Variants in PAFAH2 observed in about 807,000 individuals in gnomAD.
PAFAH2 encodes the protein platelet activating factor acetylhydrolase 2, also known as platelet-activating factor acetylhydrolase 2, cytoplasmic.
A neutral mutation model predicts 49.0 loss-of-function variants in PAFAH2; 42 were observed. The observed-to-expected ratio is 0.86, with a 90% CI of 0.67 to 1.11. The LOEUF (loss-of-function observed/expected upper bound fraction) is 1.11, where lower values mean the gene tolerates loss of function less well. PAFAH2 is among the 50% of genes least tolerant of loss of function. The pLI is 0.00. For missense variants in PAFAH2, 503 were observed against 501.8 expected (o/e 1.00, Z -0.02); for synonymous variants, 184 against 181.3 (o/e 1.01, Z -0.12).
At position 25,982,388 on chromosome 1, in the gene PAFAH2, AC is replaced by A. The variant is rs778203084; in HGVS notation, c.641del (p.Gly214ValfsTer5). On this transcript the variant is annotated frameshift_variant, in exon 7 of 11. Transcript: ENST00000374282. LOFTEE classifies it high-confidence loss of function. ...AGQTVFNILP[G>X]GLDLMTLKGN... ...CCTTCAAAGTCATCAGATCCAAGCC[AC>A]CAGGCAAGATGTTGAAGACAGTCTG... 6.2e-7 allele frequency: 1 copy of A among 1,614,064 alleles called. No individual in the cohort carries two copies. Among genetic ancestry groups the A allele is most frequent in the South Asian group, 1.1e-5 (1 of 91,080 alleles).
chr1:25,962,626 C>G (rs2049355669), intron 10 of PAFAH2, among the ~76,000 whole-genome samples: 1 of 152,082 alleles, frequency 6.6e-6, no homozygotes, highest in Middle Eastern at 3.4e-3. Flanking sequence ...AGTTCCTAGA[C>G]CAGCCTGGGC....
In PAFAH2 at chr1:25,964,501, T is replaced by A. The variant is rs181468908; in HGVS notation, c.1085-2418A>T. Among the ~76,000 whole-genome samples the A allele has an allele frequency of 1.8e-3, 281 of 151,996 alleles. 1 individual carries two copies. The highest frequency in any genetic ancestry group is 6.5e-3 in the African/African-American group (269 of 41,458). ...CAGGAGGATCGCCTGAGCCCAGGAG[T>A]TTGAGACCAGCCCAGGCAATAAAGT... is the stretch of plus-strand genomic sequence containing the variant. On this transcript the variant is annotated intron_variant, in intron 10 of 10. Coordinates refer to ENST00000374282, the MANE Select transcript of PAFAH2 (RefSeq NM_000437.4).
At chr1:25,963,162 C>G (rs1462895893) in intron 10 of PAFAH2, among the ~76,000 whole-genome samples, 1 of 152,226 alleles carries the variant, frequency 6.6e-6, no homozygotes, top group East Asian at 1.9e-4. Flanking sequence ...GGACCACTCT[C>G]ATGCATTTTT....
intron 1 of PAFAH2, among the ~76,000 whole-genome samples, chr1:25,996,789 A>T (rs531609307): frequency 6.6e-6 from 1 of 152,348 alleles, no homozygotes; most frequent in South Asian, 2.1e-4. Context: ...TTATACGTAA[A>T]ATGGATACTT....
At chr1:25,996,502 C>T (rs996792359) in intron 1 of PAFAH2, among the ~76,000 whole-genome samples, 13 of 151,966 alleles carry the variant, frequency 8.6e-5, no homozygotes, top group African/African-American at 3.1e-4. Flanking sequence ...ATTAGCTGGG[C>T]CTGGTGGCGG....
At chr1:25,972,879 A>G (rs1015458767) in intron 9 of PAFAH2, among the ~76,000 whole-genome samples, 167 bp from the exon 10 acceptor site, 1 of 152,192 alleles carries the variant, frequency 6.6e-6, no homozygotes, top group African/African-American at 2.4e-5. Context: ...AAGGAGAGAA[A>G]CTATCTGCTT....
chr1:25,962,962 A>G (rs2049361410), intron 10 of PAFAH2, among the ~76,000 whole-genome samples: 1 of 152,208 alleles, frequency 6.6e-6, no homozygotes, highest in Non-Finnish European at 1.5e-5. Flanking sequence ...GCAAGAGGAC[A>G]GCAACATCAT....
rs1482796458 is a variant in PAFAH2 at position 25,989,559 on chromosome 1, C to T, written c.133G>A (p.Glu45Lys). 6.2e-7 allele frequency: 1 copy of T among 1,611,336 alleles called. No homozygotes were observed. The highest frequency in any genetic ancestry group is 8.5e-7 in the Non-Finnish European group (1 of 1,178,682). The change falls in exon 3 of 11, where the codon GAG becomes AAG. Residue 45 changes from glutamate (E) to lysine (K), a missense_variant. By Grantham distance (56) the Glu-to-Lys change is moderately conservative. Transcript: ENST00000374282. Reference sequence around the variant, plus strand: ...ATCCACAGGGGCTGCTCCATGGTCTCCTCTGCCTTTTGGCAGGGGTAGAAG... The same window carrying T: ...ATCCACAGGGGCTGCTCCATGGTCTTCTCTGCCTTTTGGCAGGGGTAGAAG... ...RLFYPCQKAE[E>K]TMEQPLWIPR...
At chr1:25,977,479 C>T (rs950632590) in intron 7 of PAFAH2, among the ~76,000 whole-genome samples, 6 of 151,194 alleles carry the variant, frequency 4.0e-5, no homozygotes, top group Non-Finnish European at 7.4e-5. Flanking sequence ...CACAGCAAAA[C>T]CTTCTCTTTA....
chr1:25,972,552 C>T lies in PAFAH2; in HGVS notation c.1084+6G>A. The stretch of plus-strand genomic sequence containing the variant: ...GCTGCCCCAAGAGCCCCAGTTTTCT[C>T]CTTACCGAGGTGCTTCTGCAGGAAG... On this transcript the variant is annotated splice_donor_region_variant and intron_variant, in intron 10 of 10. Transcript: ENST00000374282. 1 of 1,612,018 alleles carries T rather than the reference C, an allele frequency of 6.2e-7. No individual in the cohort carries two copies. The highest frequency in any genetic ancestry group is 8.5e-7 in the Non-Finnish European group (1 of 1,178,730).
chr1:25,977,057 C>T (rs2049602879), intron 7 of PAFAH2, among the ~76,000 whole-genome samples: 3 of 123,810 alleles, frequency 2.4e-5, no homozygotes, highest in Non-Finnish European at 3.2e-5. Context: ...GAGTCTCGCT[C>T]TGTCGCCCAG....
Position 25,983,809 on chromosome 1 carries a change from T to G in PAFAH2, c.552+137A>C, listed in dbSNP as rs980151577. ...CAAGAGTCCTGATTAATATCCTATG[T>G]ATTTCCACTGATGTGGCAAACTCAG... is the stretch of plus-strand genomic sequence containing the variant. On this transcript the variant is annotated intron_variant, in intron 6 of 10. Coordinates refer to ENST00000374282, the MANE Select transcript of PAFAH2 (RefSeq NM_000437.4). 8 of 942,760 alleles carry G rather than the reference T, an allele frequency of 8.5e-6. No homozygotes were observed. In the South Asian group the frequency reaches 1.2e-4, roughly 15 times the overall value. The allele number at this position is 942,760 out of a possible 1,614,324, so 58.4% of individuals were successfully genotyped here.
intron 10 of PAFAH2, among the ~76,000 whole-genome samples, chr1:25,966,463 T>C (rs1339605889): frequency 6.6e-6 from 1 of 152,180 alleles, no homozygotes; most frequent in Non-Finnish European, 1.5e-5. Flanking sequence ...AAATCACGTT[T>C]TGCAGAACCG....
intron 10 of PAFAH2, among the ~76,000 whole-genome samples, chr1:25,966,641 G>A (rs926104834): frequency 6.6e-6 from 1 of 152,120 alleles, no homozygotes; most frequent in African/African-American, 2.4e-5. Context: ...TAGGAGAGGG[G>A]TGAGGGCTGA....
intron 10 of PAFAH2, among the ~76,000 whole-genome samples, chr1:25,965,799 C>T (rs1041825458): frequency 2.3e-4 from 22 of 94,776 alleles, no homozygotes; most frequent in Non-Finnish European, 3.5e-4. Context: ...GCCTGGGTGA[C>T]AGAGCAAGAC....
chr1:25,992,993 G>A (rs2124371879), intron 1 of PAFAH2, among the ~76,000 whole-genome samples: 1 of 152,322 alleles, frequency 6.6e-6, no homozygotes, highest in East Asian at 1.9e-4. Flanking sequence ...AACCACAGCA[G>A]CCACTTTTGC....
At chr1:25,972,036 T>A (rs762384093) in intron 10 of PAFAH2, among the ~76,000 whole-genome samples, 9 of 152,140 alleles carry the variant, frequency 5.9e-5, no homozygotes, top group Non-Finnish European at 5.9e-5. Flanking sequence ...GCCAGGTCAT[T>A]CTGCAAGTAA....
intron 1 of PAFAH2, among the ~76,000 whole-genome samples, chr1:25,992,734 A>C (rs573843536): frequency 6.2e-4 from 94 of 152,300 alleles, no homozygotes; most frequent in African/African-American, 2.2e-3. Flanking sequence ...CAAACTTCCC[A>C]GTGTCCCTTG....
chr1:25,969,753 G>A (rs1002842236), intron 10 of PAFAH2, among the ~76,000 whole-genome samples: 1 of 152,114 alleles, frequency 6.6e-6, no homozygotes, highest in Non-Finnish European at 1.5e-5. Context: ...TAGCTCAACG[G>A]GTATTGCTTT....
Sources: gnomAD v4.1 joint callset for allele counts (sites outside exome capture counted in the v4.1 genomes callset) on GRCh38, gnomAD v4.1.1 for gene constraint, MANE v1.5 for transcripts, NCBI Gene and HGNC (gene_info 2026-07-23, HGNC 2026-07-21) for gene names.